The following LAMA1 variants were observed in gnomAD, a reference collection of about 807,000 sequenced individuals.
LAMA1 encodes laminin subunit alpha 1, also known as laminin subunit alpha-1.
LAMA1 carries 219 observed loss-of-function variants against 348.7 expected under a neutral mutation model. That is an observed-to-expected ratio of 0.63 (90% CI 0.56 to 0.70). LAMA1 has a LOEUF of 0.70. Among genes scored for constraint, LAMA1 ranks in the 30% least tolerant of loss-of-function variants. The pLI is 0.00. For synonymous variants in LAMA1, 1,487 were observed against 1,491.0 expected (o/e 1.00, Z 0.06); for missense variants, 3,744 against 3,888.0 (o/e 0.96, Z 0.99).
chr18:7,015,226 C>G (rs28579499), intron 22 of LAMA1, among the ~76,000 whole-genome samples: 45,636 of 152,052 alleles, frequency 0.3, 7,034 homozygotes, highest in Middle Eastern at 0.43. Flanking sequence ...TAAGGGTGTC[C>G]TGTCTTCCAC....
chr18:6,951,517 T>A (rs1426938372), intron 57 of LAMA1, among the ~76,000 whole-genome samples: 1 of 152,162 alleles, frequency 6.6e-6, no homozygotes, highest in Non-Finnish European at 1.5e-5. Context: ...CCAGGGCAGA[T>A]GTGGCTCCAA....
chr18:7,042,874 T>TC, intron 8 of LAMA1: 1 of 248,412 alleles, frequency 4.0e-6, no homozygotes, highest in Non-Finnish European at 7.8e-6. Context: ...AGAGCGAGAC[T>TC]CCGTCTCAAA....
chr18:6,992,524 T>A, intron 36 of LAMA1, 37 bp downstream of exon 36: 1 of 1,610,174 alleles, frequency 6.2e-7, no homozygotes, highest in Non-Finnish European at 8.5e-7. Context: ...TTTCTCTCTC[T>A]ACTTGGTTGC....
At chr18:7,107,810 T>G (rs180757134) in intron 1 of LAMA1, among the ~76,000 whole-genome samples, 4 of 141,824 alleles carry the variant, frequency 2.8e-5, no homozygotes, top group African/African-American at 1.1e-4. Context: ...GTCAGGAGAT[T>G]GAGACCGTCC....
At chr18:6,985,853 A>G in intron 37 of LAMA1, among the ~76,000 whole-genome samples, 1 of 152,106 alleles carries the variant, frequency 6.6e-6, no homozygotes, top group Admixed American at 6.6e-5. Context: ...CCATCTCCCA[A>G]GTTCAAGCGA....
Position 6,976,021 on chromosome 18 carries a change from G to A in LAMA1, c.6405C>T (p.Ser2135=). 1 of 1,614,208 alleles carries A rather than the reference G, an allele frequency of 6.2e-7. No homozygotes were observed. The highest frequency in any genetic ancestry group is 8.5e-7 in the Non-Finnish European group (1 of 1,180,034). The part of the protein sequence containing the change: ...DCIRAYQPQI[S]STNYNTLTLN... The stretch of plus-strand genomic sequence containing the variant: ...GTGTTAAGGTATTGTAGTTGGTAGA[G>A]GAAATCTGAGGCTGGTAGGCCCGGA... Residue 2135 remains serine (S), a synonymous_variant, in exon 45 of 63, where the codon TCC becomes TCT. Coordinates refer to ENST00000389658, the MANE Select transcript of LAMA1 (RefSeq NM_005559.4).
chr18:7,065,682 G>A (rs1598303274), intron 3 of LAMA1, among the ~76,000 whole-genome samples: 3 of 152,138 alleles, frequency 2.0e-5, no homozygotes, highest in Admixed American at 6.5e-5. Flanking sequence ...AGCTGAGATC[G>A]CACCGTTGCA....
chr18:6,995,158 C>T (rs1188084495), intron 34 of LAMA1, among the ~76,000 whole-genome samples, 199 bp downstream of exon 34: 5 of 152,160 alleles, frequency 3.3e-5, no homozygotes, highest in African/African-American at 1.2e-4. Context: ...GACATTAAGT[C>T]GGGAGCCTTT....
intron 39 of LAMA1, among the ~76,000 whole-genome samples, chr18:6,983,477 G>A (rs560348664): frequency 2.0e-5 from 3 of 152,288 alleles, no homozygotes; most frequent in South Asian, 4.1e-4. Flanking sequence ...CCCAAGAAGA[G>A]ACTATTGCTG....
chr18:6,973,698 C>G (rs1286285719), intron 46 of LAMA1, among the ~76,000 whole-genome samples: 6 of 152,182 alleles, frequency 3.9e-5, no homozygotes, highest in Admixed American at 2.6e-4. Context: ...CAATGTCTAC[C>G]ATGCCACACC....
chr18:7,045,299 T>A (rs1288806454), intron 6 of LAMA1, among the ~76,000 whole-genome samples: 1 of 151,958 alleles, frequency 6.6e-6, no homozygotes, highest in Non-Finnish European at 1.5e-5. Context: ...TGAAACCCCA[T>A]CTCTACTAAA....
In LAMA1 at chr18:7,050,822, C is replaced by T. The variant is rs1449200103; in HGVS notation, c.460G>A (p.Val154Ile). 1 of 1,614,204 alleles carries T rather than the reference C, an allele frequency of 6.2e-7. No homozygotes were observed. The highest frequency in any genetic ancestry group is 2.2e-5 in the East Asian group (1 of 44,882). ...TTFSPWQYYA[V>I]SDSECLSRYN... ...CGAGACAAACACTCTGAGTCGCTGA[C>T]TGCATAATACTGCCAGGGGCTGAAC... The change falls in exon 4 of 63, where the codon GTC (valine) becomes ATC (isoleucine). Residue 154 changes from valine (V) to isoleucine (I), a missense_variant. This residue lies in a region of LAMA1 where 1,529 missense variants were observed against 1,689.4 expected (regional missense o/e 0.91). Coordinates refer to ENST00000389658, the MANE Select transcript of LAMA1 (RefSeq NM_005559.4).
intron 29 of LAMA1, among the ~76,000 whole-genome samples, chr18:7,005,751 A>T (rs61599570): frequency 0.11 from 16,375 of 152,136 alleles, 1,174 homozygotes; most frequent in African/African-American, 0.2. Flanking sequence ...ATCTTGAAAA[A>T]AATAATAATA....
intron 13 of LAMA1, among the ~76,000 whole-genome samples, chr18:7,034,956 C>A (rs1238693309): frequency 6.6e-6 from 1 of 152,154 alleles, no homozygotes; most frequent in Non-Finnish European, 1.5e-5. Flanking sequence ...CGTGCAGTTG[C>A]CCACAGCTTT....
chr18:7,040,273 G>T, intron 9 of LAMA1, 37 bp from the exon 10 acceptor site: 1 of 1,610,976 alleles, frequency 6.2e-7, no homozygotes. Context: ...CAACATGAAG[G>T]CAAAAGAGGT....
chr18:6,948,378 C>G, intron 60 of LAMA1, 25 bp downstream of exon 60: 1 of 1,614,110 alleles, frequency 6.2e-7, no homozygotes. Flanking sequence ...CGGGGACTGC[C>G]TTCGAGAGTG....
chr18:6,956,995 A>G (rs2057582115), intron 55 of LAMA1: 5 of 516,582 alleles, frequency 9.7e-6, no homozygotes, highest in Admixed American at 5.7e-5. Context: ...GCATATCCCC[A>G]TGTCAGACCC....
chr18:6,995,337 T>C lies in LAMA1; in HGVS notation c.4896+20A>G. ...GGGAGGGACCAGGAGGAAGGTTGGTTGGTTATGGAAAGAATTTACCTTCTT... is the reference window on the plus strand; with the variant it reads ...GGGAGGGACCAGGAGGAAGGTTGGTCGGTTATGGAAAGAATTTACCTTCTT... On this transcript the variant is annotated intron_variant, in intron 34 of 62. Transcript: ENST00000389658. The C allele has an allele frequency of 3.2e-6, 5 of 1,570,950 alleles. No homozygotes were observed. Among genetic ancestry groups the C allele is most frequent in the Non-Finnish European group, 4.4e-6 (5 of 1,140,704 alleles).
At chr18:6,999,080 T>C (rs17441243) in intron 32 of LAMA1, among the ~76,000 whole-genome samples, 8,967 of 152,036 alleles carry the variant, frequency 0.059, 355 homozygotes, top group Non-Finnish European at 0.086. Flanking sequence ...GAGTGGAAGC[T>C]ATCATGAAAT....
Sources: allele counts gnomAD v4.1 joint callset (sites outside exome capture counted in the v4.1 genomes callset), GRCh38; gene constraint gnomAD v4.1.1; regional missense constraint gnomAD v4.1.1; transcripts MANE v1.5; gene names NCBI Gene and HGNC (gene_info 2026-07-23, HGNC 2026-07-21).